Variants in PHF8 observed in about 807,000 individuals in gnomAD.
PHF8 encodes histone lysine demethylase PHF8.
PHF8 carries 9 observed loss-of-function variants against 74.4 expected under a neutral mutation model. That is an observed-to-expected ratio of 0.12 (90% CI 0.07 to 0.21). PHF8 has a LOEUF of 0.21. PHF8 is among the 10% of genes least tolerant of loss of function. The probability of loss-of-function intolerance (pLI) is 1.00; values close to 1 mark genes in which losing one functional copy is unlikely to be tolerated. For missense variants in PHF8, 478 were observed against 816.6 expected, an observed-to-expected ratio of 0.59 and a Z score of 5.05; for synonymous variants, 311 against 316.6, an observed-to-expected ratio of 0.98 and a Z score of 0.19.
chrX:54,021,711 G>A (rs1322027607), intron 4 of PHF8, among the ~76,000 whole-genome samples: 1 of 108,489 alleles, frequency 9.2e-6, no homozygotes, highest in Admixed American at 9.9e-5. Flanking sequence ...CTCGTGATCC[G>A]CCCGCCTCGG....
At chrX:54,035,473 T>C (rs1396612839) in intron 2 of PHF8, among the ~76,000 whole-genome samples, 3 of 110,123 alleles carry the variant, frequency 2.7e-5, no homozygotes, top group Non-Finnish European at 5.7e-5. Context: ...GAGCAAGTAC[T>C]GAAAAAAGCA....
Position 54,014,467 on chromosome X carries a change from T to C in PHF8, c.693A>G (p.Val231=). The C allele has an allele frequency of 8.3e-7, 1 of 1,203,195 alleles. No individual in the cohort carries two copies. Among genetic ancestry groups the C allele is most frequent in the Non-Finnish European group, 1.1e-6 (1 of 888,065 alleles). ...PEECVFERPN[V]QKYCLMSVRD... ...GCACACTCATGAGGCAGTACTTCTG[T>C]ACATTGGGTCTCTCAAAGACACATT... The change falls in exon 7 of 22, where the codon GTA becomes GTG. Residue 231 remains valine (V), a synonymous_variant. Coordinates refer to ENST00000338154, the MANE Select transcript of PHF8 (RefSeq NM_015107.3).
intron 19 of PHF8, among the ~76,000 whole-genome samples, chrX:53,958,574 G>A (rs1557089591): frequency 5.8e-5 from 6 of 104,143 alleles, no homozygotes; most frequent in Non-Finnish European, 1.2e-4. Context: ...GAGGTCAGGA[G>A]ATCGAGACCA....
chrX:53,959,773 A>AG lies in PHF8; in HGVS notation c.2539+3070dup, dbSNP rs782067295. On this transcript the variant is annotated intron_variant, in intron 19 of 21. Coordinates refer to ENST00000338154, the MANE Select transcript of PHF8 (RefSeq NM_015107.3). ...CAGCTACTTTGGAGGCTGAGGTATG[A>AG]GAATCGTTTGAATCCAGGAGGCGGA... Among the ~76,000 whole-genome samples the AG allele has an allele frequency of 4.6e-3, 473 of 102,282 alleles. 5 individuals are homozygous for AG. Among genetic ancestry groups the AG allele is most frequent in the African/African-American group, 0.016 (458 of 28,039 alleles). 88.8% of individuals were successfully genotyped at this position (102,282 alleles called of 115,157 possible). A position where few individuals can be genotyped will look rare whatever the true frequency, so the allele number is the denominator to read the frequency against.
chrX:54,021,459 T>C (rs1557109821), intron 4 of PHF8, among the ~76,000 whole-genome samples: 1 of 68,930 alleles, frequency 1.5e-5, no homozygotes, highest in Non-Finnish European at 2.7e-5. Context: ...CAATTATTTT[T>C]TTTTTTTTTT....
At chrX:53,955,557 C>CTTTTTTTTT (rs369969712) in intron 19 of PHF8, among the ~76,000 whole-genome samples, 40 of 72,627 alleles carry the variant, frequency 5.5e-4, no homozygotes, top group East Asian at 2.2e-3. Context: ...CTCTTCTTTT[C>CTTTTTTTTT]TTTTTTTTTT....
At chrX:54,007,895 TCCTAGATATATA>T (rs1300875085) in intron 8 of PHF8, among the ~76,000 whole-genome samples, 1 of 111,752 alleles carries the variant, frequency 8.9e-6, no homozygotes, top group African/African-American at 3.3e-5. Context: ...GCAATTCCCC[TCCTAGATATATA>T]CCCAAGAGAA....
chrX:54,044,949 C>G (rs994504679), upstream of PHF8: 5 of 1,016,130 alleles, frequency 4.9e-6, no homozygotes, highest in African/African-American at 9.5e-5. Context: ...GGTTCTTCCC[C>G]CTGTGAAGGA....
At chrX:53,964,868 C>CAAAAAAAAAAAAAAAA (rs782274910) in intron 18 of PHF8, among the ~76,000 whole-genome samples, 1 of 37,775 alleles carries the variant, frequency 2.6e-5, no homozygotes, top group Non-Finnish European at 5.0e-5. Context: ...AACTCTGCCT[C>CAAAAAAAAAAAAAAAA]AAAAAAAAAA....
chrX:53,945,524 A>ATAC (rs1369467543), intron 19 of PHF8, among the ~76,000 whole-genome samples: 2 of 109,958 alleles, frequency 1.8e-5, no homozygotes, highest in Non-Finnish European at 3.8e-5. Flanking sequence ...AATAATAATA[A>ATAC]TAATAAAATA....
intron 18 of PHF8, among the ~76,000 whole-genome samples, chrX:53,979,298 C>G (rs1351503786): frequency 5.4e-5 from 6 of 111,278 alleles, no homozygotes; most frequent in African/African-American, 2.0e-4. Flanking sequence ...AGAAGAATCG[C>G]TTGAACCGGG....
At position 54,044,471 on chromosome X, in the gene PHF8, G is replaced by A. The variant is rs2066614015; in HGVS notation, c.-802C>T. ...GCCATCTTATGAGGGCTGGACTCGC[G>A]AGGTGAGCGCGGCGGAGGCGGGGAA... is the stretch of plus-strand genomic sequence containing the variant. On this transcript the variant is annotated 5_prime_UTR_variant, in exon 1 of 22. Coordinates refer to ENST00000338154, the MANE Select transcript of PHF8 (RefSeq NM_015107.3). The A allele has an allele frequency of 1.4e-6, 1 of 734,929 alleles. No individual in the cohort carries two copies. Among genetic ancestry groups the A allele is most frequent in the Admixed American group, 8.6e-5 (1 of 11,667 alleles). The allele number at this position is 734,929 out of a possible 1,213,427, so 60.6% of individuals were successfully genotyped here.
At chrX:53,966,305 C>A (rs1160763681) in intron 18 of PHF8, among the ~76,000 whole-genome samples, 1 of 111,932 alleles carries the variant, frequency 8.9e-6, no homozygotes, top group Admixed American at 9.4e-5. Flanking sequence ...TGTACTGCTG[C>A]CATCTCGGCT....
At chrX:53,989,656 A>G (rs782329369) in intron 14 of PHF8, among the ~76,000 whole-genome samples, 21 of 112,426 alleles carry the variant, frequency 1.9e-4, no homozygotes, top group Non-Finnish European at 3.9e-4. Flanking sequence ...CAAACTGCTG[A>G]AAAAAACCTC....
chrX:53,989,932 G>T (rs2065632746), intron 14 of PHF8, among the ~76,000 whole-genome samples: 1 of 111,683 alleles, frequency 9.0e-6, no homozygotes, highest in Non-Finnish European at 1.9e-5. Flanking sequence ...GGGTTGTGAG[G>T]ATTAAATAAA....
At chrX:54,009,881 A>AAAAAAAGG (rs2065956245) in intron 8 of PHF8, among the ~76,000 whole-genome samples, 2 of 99,747 alleles carry the variant, frequency 2.0e-5, no homozygotes, top group African/African-American at 3.7e-5. Context: ...AAAAAAAAAA[A>AAAAAAAGG]GTGGCTCTTT....
chrX:53,952,056 C>T (rs1298165350), intron 19 of PHF8, among the ~76,000 whole-genome samples: 2 of 109,936 alleles, frequency 1.8e-5, no homozygotes, highest in Non-Finnish European at 3.8e-5. Context: ...GAGGCCGAAG[C>T]GGGCAGATTA....
At chrX:53,992,618 C>G in intron 14 of PHF8, 118 bp downstream of exon 14, 3 of 516,436 alleles carry the variant, frequency 5.8e-6, no homozygotes, top group Non-Finnish European at 1.1e-5. Flanking sequence ...AGGTATTGCC[C>G]TAAGTACAGT....
At chrX:54,002,050 G>A in intron 10 of PHF8, 105 bp downstream of exon 10, 2 of 525,624 alleles carry the variant, frequency 3.8e-6, no homozygotes, top group South Asian at 2.5e-5. Context: ...GATCTTTCTG[G>A]TAATGAAATA....
Sources: allele counts gnomAD v4.1 joint callset (sites outside exome capture counted in the v4.1 genomes callset), GRCh38; gene constraint gnomAD v4.1.1; transcripts MANE v1.5; gene names NCBI Gene and HGNC (gene_info 2026-07-23, HGNC 2026-07-21).